Variants in BMERB1 observed in about 807,000 individuals in gnomAD.
BMERB1 encodes bMERB domain-containing protein 1.
BMERB1 carries 12 observed loss-of-function variants against 23.6 expected under a neutral mutation model. The ratio of observed to expected loss-of-function variants is 0.51; its 90% CI spans 0.33 to 0.82. The LOEUF is 0.82. Ranked by LOEUF, BMERB1 falls within the 40% of genes least tolerant of loss-of-function variation. BMERB1 has a pLI of 0.03. For synonymous variants in BMERB1, 122 were observed against 96.6 expected, an observed-to-expected ratio of 1.26 and a Z score of -1.54; for missense variants, 247 against 255.4, an observed-to-expected ratio of 0.97 and a Z score of 0.22.
rs185221217 is a variant in BMERB1, at chr16:15,571,940, T to C, written c.304+3884T>C. Reference sequence around the variant, plus strand: ...CTGCCCTCTCTTTCCCCTTTAAATATTGAAGTCCTTAAGATCCTCTGCAGA... The same window carrying C: ...CTGCCCTCTCTTTCCCCTTTAAATACTGAAGTCCTTAAGATCCTCTGCAGA... On this transcript the variant is annotated intron_variant, in intron 3 of 5. Coordinates refer to ENST00000300006, the MANE Select transcript of BMERB1 (RefSeq NM_033201.3). Among the ~76,000 whole-genome samples, 5 of 152,222 alleles carry C rather than the reference T, an allele frequency of 3.3e-5. No homozygotes were observed. The East Asian group carries it at 9.6e-4, about 29-fold the overall frequency.
intron 1 of BMERB1, among the ~76,000 whole-genome samples, chr16:15,480,902 G>C (rs1454458659): frequency 5.3e-5 from 8 of 152,062 alleles, no homozygotes; most frequent in African/African-American, 1.9e-4. Context: ...ATGAGCCACT[G>C]TGCCCGGCCA....
intron 1 of BMERB1, among the ~76,000 whole-genome samples, chr16:15,500,762 G>A (rs2051519652): frequency 6.6e-6 from 1 of 152,072 alleles, no homozygotes; most frequent in Non-Finnish European, 1.5e-5. Flanking sequence ...CGTGATCCTT[G>A]TGCCTCAGCC....
intron 2 of BMERB1, among the ~76,000 whole-genome samples, chr16:15,560,519 T>C (rs1022632351): frequency 1.3e-5 from 2 of 152,182 alleles, no homozygotes; most frequent in Non-Finnish European, 2.9e-5. Context: ...TGGCCAGGCA[T>C]AGTGGCTCAT....
At chr16:15,444,997 C>A (rs989341635) in intron 1 of BMERB1, among the ~76,000 whole-genome samples, 3 of 152,112 alleles carry the variant, frequency 2.0e-5, no homozygotes, top group African/African-American at 7.2e-5. Context: ...CCTGCCTAGG[C>A]CTCCCGCCTA....
At chr16:15,484,785 T>C (rs1374021209) in intron 1 of BMERB1, among the ~76,000 whole-genome samples, 7 of 152,240 alleles carry the variant, frequency 4.6e-5, no homozygotes, top group Admixed American at 4.6e-4. Flanking sequence ...AGTGGCTTTA[T>C]GTACATTCAC....
intron 1 of BMERB1, among the ~76,000 whole-genome samples, chr16:15,489,730 A>G (rs1242170723): frequency 6.6e-6 from 1 of 152,018 alleles, no homozygotes; most frequent in Non-Finnish European, 1.5e-5. Context: ...GACTGTTGAC[A>G]TTTACTCTGC....
chr16:15,517,968 TATGTGTGCGTGTGGATGTGTGTGC>T (rs1567480558), intron 2 of BMERB1, among the ~76,000 whole-genome samples: 2 of 149,950 alleles, frequency 1.3e-5, no homozygotes, highest in Admixed American at 1.3e-4. Context: ...TGTGGGTGTG[TATGTGTGCGTGTGGATGTGTGTGC>T]ATGTGTGGAT....
intron 1 of BMERB1, among the ~76,000 whole-genome samples, chr16:15,443,935 A>C (rs1598441283): frequency 6.6e-6 from 1 of 151,970 alleles, no homozygotes; most frequent in Admixed American, 6.6e-5. Flanking sequence ...AAAAGTGTGA[A>C]ATTAGGAAAG....
intron 1 of BMERB1, among the ~76,000 whole-genome samples, chr16:15,503,472 G>A (rs1336917332): frequency 2.3e-5 from 3 of 129,038 alleles, no homozygotes; most frequent in Non-Finnish European, 4.9e-5. Flanking sequence ...TTTTGTATTT[G>A]TATTTGTAGT....
intron 3 of BMERB1, among the ~76,000 whole-genome samples, chr16:15,569,026 G>A (rs909808080): frequency 6.6e-5 from 10 of 152,064 alleles, no homozygotes; most frequent in Non-Finnish European, 1.3e-4. Context: ...GAACAGCCTG[G>A]CAAACATGGT....
At chr16:15,527,397 G>T (rs968187492) in intron 2 of BMERB1, among the ~76,000 whole-genome samples, 6 of 152,196 alleles carry the variant, frequency 3.9e-5, no homozygotes, top group African/African-American at 1.4e-4. Context: ...CTGAGCTCAG[G>T]AGTTCGAGAC....
intron 3 of BMERB1, among the ~76,000 whole-genome samples, chr16:15,569,727 C>G (rs2030676074): frequency 6.6e-6 from 1 of 152,116 alleles, no homozygotes; most frequent in African/African-American, 2.4e-5. Flanking sequence ...ATCAGAAATG[C>G]AAAACCTAAA....
chr16:15,560,691 G>A (rs1413585706), intron 2 of BMERB1, among the ~76,000 whole-genome samples: 3 of 152,032 alleles, frequency 2.0e-5, no homozygotes, highest in Non-Finnish European at 4.4e-5. Flanking sequence ...TACTCTGGAG[G>A]CTGAGGAGGG....
Position 15,516,871 on chromosome 16 carries a change from G to A in BMERB1, c.230+1443G>A, listed in dbSNP as rs560046383. 3.5e-4 allele frequency among the ~76,000 whole-genome samples: 54 copies of A among 152,144 alleles called. No homozygotes were observed. In the East Asian group the frequency reaches 9.5e-3, roughly 27 times the overall value. ...TTTTTAGTTACTTATTTAGATAAAG[G>A]GTCTTGCTCTGTCGTCCAGGGTGGA... On this transcript the variant is annotated intron_variant, in intron 2 of 5. Coordinates refer to ENST00000300006, the MANE Select transcript of BMERB1 (RefSeq NM_033201.3).
rs186964039 is a variant in BMERB1 at position 15,568,197 on chromosome 16, C to A, written c.304+141C>A. On this transcript the variant is annotated intron_variant, in intron 3 of 5. Transcript: ENST00000300006. ...TGACTGCATGTGTCAAACACAACTT[C>A]GAGTCAGGAAGACCTGGGTTCAAGT... is the stretch of plus-strand genomic sequence containing the variant. 7.5e-5 allele frequency: 50 copies of A among 667,736 alleles called. No individual in the cohort carries two copies. The East Asian group carries it at 1.3e-3, about 18-fold the overall frequency. 41.4% of individuals were successfully genotyped at this position (667,736 alleles called of 1,614,324 possible). A position where few individuals can be genotyped will look rare whatever the true frequency, so the allele number is the denominator to read the frequency against.
At chr16:15,482,663 C>G (rs2051331960) in intron 1 of BMERB1, among the ~76,000 whole-genome samples, 1 of 152,108 alleles carries the variant, frequency 6.6e-6, no homozygotes, top group African/African-American at 2.4e-5. Context: ...CAAAGCAAAG[C>G]AAGGCGACTT....
chr16:15,530,743 T>C (rs1464706346), intron 2 of BMERB1, among the ~76,000 whole-genome samples: 8 of 152,128 alleles, frequency 5.3e-5, no homozygotes, highest in Non-Finnish European at 1.2e-4. Context: ...TGAGTTCTCA[T>C]GAGATCTGAT....
chr16:15,496,715 T>C (rs1008098862), intron 1 of BMERB1, among the ~76,000 whole-genome samples: 1 of 152,020 alleles, frequency 6.6e-6, no homozygotes, highest in African/African-American at 2.4e-5. Context: ...ATTTTTTTTA[T>C]TTTTAGTAGA....
intron 1 of BMERB1, among the ~76,000 whole-genome samples, chr16:15,483,215 A>G (rs2150936065): frequency 6.6e-6 from 1 of 152,224 alleles, no homozygotes; most frequent in African/African-American, 2.4e-5. Context: ...CACTGTTATA[A>G]AGGTTGCTGT....
Sources: gnomAD v4.1 joint callset for allele counts (sites outside exome capture counted in the v4.1 genomes callset) on GRCh38, gnomAD v4.1.1 for gene constraint, MANE v1.5 for transcripts, NCBI Gene and HGNC (gene_info 2026-07-23, HGNC 2026-07-21) for gene names.